The following ADAMTS9 variants were observed in gnomAD, a reference collection of about 807,000 sequenced individuals.
The protein encoded by ADAMTS9 is A disintegrin and metalloproteinase with thrombospondin motifs 9.
Under a neutral mutation model 257.1 loss-of-function variants are expected in ADAMTS9, and 107 were observed. That is an observed-to-expected ratio of 0.42 (90% CI 0.36 to 0.49). The LOEUF is 0.49. Ranked by LOEUF, ADAMTS9 falls within the 20% of genes least tolerant of loss-of-function variation. ADAMTS9 has a pLI of 0.03. For synonymous variants in ADAMTS9, 982 were observed against 880.9 expected (o/e 1.11, Z -2.03); for missense variants, 2,353 against 2,469.1 (o/e 0.95, Z 1.00).
chr3:64,561,582 T>G lies in ADAMTS9; in HGVS notation c.4694A>C (p.Gln1565Pro). 6.2e-7 allele frequency: 1 copy of G among 1,612,958 alleles called. No homozygotes were observed. ...PLYTWRAEEW[Q>P]ECTKTCGEGS... ...CCCCTTTGTGGCTCTACTTACTTCT[T>G]GCCATTCCTCTGCCCTCCAAGTGTA... Residue 1565 changes from glutamine (Q) to proline (P), a missense_variant, in exon 30 of 40, where the codon CAA becomes CCA. Transcript: ENST00000498707.
intron 4 of ADAMTS9, among the ~76,000 whole-genome samples, chr3:64,657,653 T>A (rs535856579): frequency 1.3e-5 from 2 of 152,126 alleles, no homozygotes; most frequent in East Asian, 3.9e-4. Context: ...CTTAAAAACT[T>A]TTTCTTTTAA....
chr3:64,549,611 G>C (rs2083244926), intron 31 of ADAMTS9, among the ~76,000 whole-genome samples: 1 of 152,132 alleles, frequency 6.6e-6, no homozygotes, highest in Non-Finnish European at 1.5e-5. Flanking sequence ...AAGATGCAGG[G>C]TTGGGGTCGA....
At position 64,633,761 on chromosome 3, in the gene ADAMTS9, C is replaced by T. The variant is rs1322357913; in HGVS notation, c.1975G>A (p.Gly659Arg). The change falls in exon 13 of 40, where the codon GGG becomes AGG. Residue 659 changes from glycine to arginine, a missense_variant. Transcript: ENST00000498707. ...FRDEQCAHFDGKHFNINGLLP... is the reference protein window; with the variant it reads ...FRDEQCAHFDRKHFNINGLLP... ...AGACCGTTGATGTTAAAATGCTTCC[C>T]GTCAAAGTGAGCACACTGTTCATCT... 3.1e-6 allele frequency: 5 copies of T among 1,613,518 alleles called. No homozygotes were observed. Among genetic ancestry groups the T allele is most frequent in the East Asian group, 2.2e-5 (1 of 44,802 alleles).
intron 9 of ADAMTS9, chr3:64,650,794 C>T: frequency 2.1e-6 from 1 of 476,538 alleles, no homozygotes; most frequent in Admixed American, 4.5e-5. Flanking sequence ...TTTAAGACTC[C>T]AACCTTTTCT....
At chr3:64,535,274 G>A (rs1029725849) in intron 37 of ADAMTS9, among the ~76,000 whole-genome samples, 2 of 152,120 alleles carry the variant, frequency 1.3e-5, no homozygotes, top group Non-Finnish European at 2.9e-5. Flanking sequence ...AGATGCTCGG[G>A]AGACTGAGGC....
At chr3:64,574,619 A>T (rs993545909) in intron 28 of ADAMTS9, among the ~76,000 whole-genome samples, 18 of 151,544 alleles carry the variant, frequency 1.2e-4, no homozygotes, top group Admixed American at 5.3e-4. Flanking sequence ...TGTTGTTCCA[A>T]CTGCTTGGGC....
chr3:64,583,311 T>G (rs2084051183), intron 28 of ADAMTS9: 1 of 152,214 alleles, frequency 6.6e-6, no homozygotes, highest in African/African-American at 2.4e-5. Context: ...ATCTCATATT[T>G]TCAGCTCATC....
intron 26 of ADAMTS9, among the ~76,000 whole-genome samples, chr3:64,600,538 C>T (rs75183098): frequency 6.6e-6 from 1 of 152,230 alleles, no homozygotes; most frequent in Non-Finnish European, 1.5e-5. Context: ...CACTAAAACA[C>T]TTTCTTTAAA....
chr3:64,604,012 C>A lies in ADAMTS9; in HGVS notation c.3657G>T (p.Glu1219Asp). ...CRDENGSVADESACATLPRPV... is the reference protein window; with the variant it reads ...CRDENGSVADDSACATLPRPV... ...GTCTAGGCAGGGTAGCACAGGCACT[C>A]TCGTCAGCCACAGAGCCATTCTCAT... Residue 1219 changes from glutamate to aspartate, a missense_variant, in exon 25 of 40, where the codon GAG becomes GAT. This residue lies in a region of ADAMTS9 where 1,402 missense variants were observed against 1,441.4 expected (regional missense o/e 0.97). Transcript: ENST00000498707. The A allele has an allele frequency of 6.2e-7, 1 of 1,614,064 alleles. No individual in the cohort carries two copies. Among genetic ancestry groups the A allele is most frequent in the Non-Finnish European group, 8.5e-7 (1 of 1,180,006 alleles).
At chr3:64,525,827 T>G (rs2082902851) in intron 38 of ADAMTS9, among the ~76,000 whole-genome samples, 1 of 151,516 alleles carries the variant, frequency 6.6e-6, no homozygotes, top group Non-Finnish European at 1.5e-5. Flanking sequence ...GCCAGACTGG[T>G]CTCGAACTCC....
intron 9 of ADAMTS9, 101 bp downstream of exon 9, chr3:64,650,916 T>A: frequency 4.9e-6 from 5 of 1,021,588 alleles, no homozygotes; most frequent in Non-Finnish European, 5.5e-6. Context: ...CAAAAATAAC[T>A]CAAAAGGAAT....
At chr3:64,607,559 C>G (rs1470498843) in intron 22 of ADAMTS9, among the ~76,000 whole-genome samples, 1 of 152,114 alleles carries the variant, frequency 6.6e-6, no homozygotes, top group Non-Finnish European at 1.5e-5. Flanking sequence ...TCACAGCATA[C>G]AGGTAGTTAG....
At position 64,627,121 on chromosome 3, in the gene ADAMTS9, C is replaced by T. The variant is rs942735683; in HGVS notation, c.2389+4334G>A. 5.9e-5 allele frequency among the ~76,000 whole-genome samples: 9 copies of T among 152,226 alleles called. No individual in the cohort carries two copies. The South Asian group carries it at 6.2e-4, about 11-fold the overall frequency. ...AAGGAGGAAATAAAAAGTCAGATGC[C>T]GGTTCTGTAAATCAAGTGATAATCC... On this transcript the variant is annotated intron_variant, in intron 16 of 39. Coordinates refer to ENST00000498707, the MANE Select transcript of ADAMTS9 (RefSeq NM_182920.2).
At chr3:64,521,449 C>G (rs2082850337) in intron 39 of ADAMTS9, 1 of 152,072 alleles carries the variant, frequency 6.6e-6, no homozygotes, top group African/African-American at 2.4e-5. Flanking sequence ...GGGTATATAT[C>G]AAAAAGAAAA....
At chr3:64,654,268 A>G (rs1011906994) in intron 8 of ADAMTS9, 85 bp downstream of exon 8, 9 of 1,355,194 alleles carry the variant, frequency 6.6e-6, no homozygotes, top group East Asian at 2.3e-5. Flanking sequence ...TACACACTCG[A>G]AAGTCAAGTA....
At chr3:64,606,855 C>T in intron 23 of ADAMTS9, 105 bp downstream of exon 23, 5 of 1,433,136 alleles carry the variant, frequency 3.5e-6, no homozygotes, top group Non-Finnish European at 3.8e-6. Flanking sequence ...GGTTGCTCTA[C>T]TGACATACTT....
At position 64,615,999 on chromosome 3, in the gene ADAMTS9, T is replaced by G. The variant is rs1460209089; in HGVS notation, c.2985A>C (p.Glu995Asp). 5 of 1,613,868 alleles carry G rather than the reference T, an allele frequency of 3.1e-6. No homozygotes were observed. The South Asian group carries it at 5.5e-5, about 18-fold the overall frequency. The change falls in exon 20 of 40, where the codon GAA (glutamate) becomes GAC (aspartate). Residue 995 changes from glutamate to aspartate, a missense_variant. Transcript: ENST00000498707. ...AATAGCGCCAGCCACCCGTGTTACATTCCCCTGAGCATTTTTCACGGTTGC... is the reference window on the plus strand; with the variant it reads ...AATAGCGCCAGCCACCCGTGTTACAGTCCCCTGAGCATTTTTCACGGTTGC... ...KPSNREKCSG[E>D]CNTGGWRYSA...
At chr3:64,554,737 C>T (rs908071745) in intron 30 of ADAMTS9, among the ~76,000 whole-genome samples, 3 of 152,162 alleles carry the variant, frequency 2.0e-5, no homozygotes, top group Non-Finnish European at 4.4e-5. Flanking sequence ...TGGACTAAAT[C>T]GGGCAGCTCG....
chr3:64,542,091 C>T (rs535502571), intron 32 of ADAMTS9, 121 bp from the exon 33 acceptor site: 56 of 1,315,102 alleles, frequency 4.3e-5, no homozygotes, highest in Middle Eastern at 2.6e-4. Flanking sequence ...GACCCTGTGT[C>T]GCTGAATACA....
Sources: gnomAD v4.1 joint callset for allele counts (sites outside exome capture counted in the v4.1 genomes callset) on GRCh38, gnomAD v4.1.1 for gene constraint, gnomAD v4.1.1 regional missense constraint, MANE v1.5 for transcripts, NCBI Gene and HGNC (gene_info 2026-07-23, HGNC 2026-07-21) for gene names.